PDE3A: variants seen among roughly 807,000 people sequenced by gnomAD.
The protein encoded by PDE3A is phosphodiesterase 3A.
In PDE3A, 43 loss-of-function variants were observed where a neutral mutation model predicts 98.3. The ratio of observed to expected loss-of-function variants is 0.44; its 90% CI spans 0.34 to 0.56. PDE3A has a LOEUF of 0.56. PDE3A is among the 20% of genes least tolerant of loss of function. The pLI is 0.01. For synonymous variants in PDE3A, 663 were observed against 567.9 expected (o/e 1.17, Z -2.38); for missense variants, 1,427 against 1,440.7 (o/e 0.99, Z 0.15).
chr12:20,547,775 G>A lies in PDE3A; in HGVS notation c.961-8885G>A, dbSNP rs149414875. ...TCTCCCGAGAAGCCCCTAAAAAGGC[G>A]TTCATTTTTACGTAAACAAACAACA... is the stretch of plus-strand genomic sequence containing the variant. On this transcript the variant is annotated intron_variant, in intron 1 of 15. Coordinates refer to ENST00000359062, the MANE Select transcript of PDE3A (RefSeq NM_000921.5). 4.2e-4 allele frequency among the ~76,000 whole-genome samples: 64 copies of A among 151,896 alleles called. No homozygotes were observed. In the East Asian group the frequency reaches 9.9e-3, roughly 23 times the overall value.
At chr12:20,641,319 T>C (rs1281957907) in intron 10 of PDE3A, among the ~76,000 whole-genome samples, 1 of 151,706 alleles carries the variant, frequency 6.6e-6, no homozygotes, top group Non-Finnish European at 1.5e-5. Flanking sequence ...TCCATGGAAG[T>C]TGGAAGAGAA....
intron 1 of PDE3A, among the ~76,000 whole-genome samples, chr12:20,383,727 G>A (rs1943699573): frequency 6.6e-6 from 1 of 151,904 alleles, no homozygotes; most frequent in African/African-American, 2.4e-5. Context: ...GACAGTCCAT[G>A]GATTTCCACT....
At chr12:20,543,565 T>A (rs982305434) in intron 1 of PDE3A, among the ~76,000 whole-genome samples, 1 of 152,188 alleles carries the variant, frequency 6.6e-6, no homozygotes, top group Non-Finnish European at 1.5e-5. Context: ...ATTGATTCAG[T>A]AGACTTCATG....
chr12:20,540,619 T>C (rs1442513181), intron 1 of PDE3A, among the ~76,000 whole-genome samples: 9 of 152,106 alleles, frequency 5.9e-5, no homozygotes, highest in Non-Finnish European at 2.9e-5. Flanking sequence ...CTTTCAGTTT[T>C]CAAATGCGAC....
At chr12:20,406,960 C>T (rs1482589564) in intron 1 of PDE3A, among the ~76,000 whole-genome samples, 2 of 151,996 alleles carry the variant, frequency 1.3e-5, no homozygotes, top group African/African-American at 2.4e-5. Context: ...ATATTCTTTC[C>T]CCATTGTTTA....
At chr12:20,649,200 G>T (rs1592146226) in intron 13 of PDE3A, among the ~76,000 whole-genome samples, 1 of 152,010 alleles carries the variant, frequency 6.6e-6, no homozygotes, top group South Asian at 2.1e-4. Flanking sequence ...CAAAGTGCTG[G>T]GATTACAGGT....
chr12:20,469,295 T>A (rs1190490880), intron 1 of PDE3A, among the ~76,000 whole-genome samples: 1 of 152,194 alleles, frequency 6.6e-6, no homozygotes, highest in Non-Finnish European at 1.5e-5. Context: ...GGGTGAAACA[T>A]CCAAGATCCA....
intron 1 of PDE3A, among the ~76,000 whole-genome samples, chr12:20,425,224 C>G (rs1413068347): frequency 6.6e-6 from 1 of 152,138 alleles, no homozygotes; most frequent in Non-Finnish European, 1.5e-5. Flanking sequence ...TCTTTAATTA[C>G]TAAACAAGGT....
chr12:20,513,148 A>G (rs1408645629), intron 1 of PDE3A, among the ~76,000 whole-genome samples: 1 of 152,102 alleles, frequency 6.6e-6, no homozygotes, highest in Non-Finnish European at 1.5e-5. Flanking sequence ...ATTTTGTCAC[A>G]TGCTATACTG....
intron 2 of PDE3A, among the ~76,000 whole-genome samples, chr12:20,561,226 C>G (rs577200272): frequency 3.3e-5 from 5 of 151,752 alleles, no homozygotes; most frequent in Non-Finnish European, 7.4e-5. Context: ...CCGCTGCACT[C>G]CAGCCTGGGA....
intron 1 of PDE3A, among the ~76,000 whole-genome samples, chr12:20,497,500 A>T (rs1235337485): frequency 6.6e-6 from 1 of 151,598 alleles, no homozygotes; most frequent in Admixed American, 6.6e-5. Flanking sequence ...TAAAGTTTTT[A>T]AAAAACATAG....
Position 20,552,663 on chromosome 12 carries a change from C to A in PDE3A, c.961-3997C>A. The A allele has an allele frequency of 1.2e-6, 2 of 1,613,962 alleles. No individual in the cohort carries two copies. The highest frequency in any genetic ancestry group is 1.7e-6 in the Non-Finnish European group (2 of 1,179,848). ...AGGTGGAGCCCTACAGTCTCACGGC[C>A]CAGCAGAGCAGCCTCATCAGAGAGG... On this transcript the variant is annotated intron_variant, in intron 1 of 15. Transcript: ENST00000359062. This position sits in a 1 kb window ranked among gnomAD's most constrained non-coding sequence, Gnocchi z 5.1.
At chr12:20,493,120 A>G (rs966850833) in intron 1 of PDE3A, among the ~76,000 whole-genome samples, 4 of 152,162 alleles carry the variant, frequency 2.6e-5, no homozygotes, top group Non-Finnish European at 5.9e-5. Flanking sequence ...TAGTCAGCAA[A>G]TATTGTTAAT....
chr12:20,446,494 A>G (rs1207374289), intron 1 of PDE3A, among the ~76,000 whole-genome samples: 4 of 152,160 alleles, frequency 2.6e-5, no homozygotes, highest in Non-Finnish European at 4.4e-5. Flanking sequence ...AAGGTCGGGA[A>G]CAAGGTTGGT....
rs1170984610 is a variant in PDE3A at position 20,665,098 on chromosome 12, C to A, written c.3184+10893C>A. Among the ~76,000 whole-genome samples the A allele has an allele frequency of 2.0e-5, 3 of 152,130 alleles. No individual in the cohort carries two copies. In the East Asian group the frequency reaches 5.8e-4, roughly 29 times the overall value. ...TACAATATTGTACCAACTGGGCCAT[C>A]TCCCTCCCTTTCTGCTGACTTTCAA... On this transcript the variant is annotated intron_variant, in intron 15 of 15. Transcript: ENST00000359062.
chr12:20,499,658 G>T (rs559366377), intron 1 of PDE3A, among the ~76,000 whole-genome samples: 39 of 152,074 alleles, frequency 2.6e-4, no homozygotes, highest in African/African-American at 9.2e-4. Flanking sequence ...CCCCGATTCT[G>T]CTACCTTTAC....
intron 2 of PDE3A, among the ~76,000 whole-genome samples, chr12:20,609,498 A>G (rs899909611): frequency 1.3e-5 from 2 of 152,072 alleles, no homozygotes; most frequent in Non-Finnish European, 2.9e-5. Context: ...TAGAAATTTA[A>G]TGCAATAACT....
chr12:20,676,923 T>C (rs1328295788), intron 15 of PDE3A, among the ~76,000 whole-genome samples: 2 of 152,186 alleles, frequency 1.3e-5, no homozygotes, highest in African/African-American at 4.8e-5. Flanking sequence ...ACTTGGGAAG[T>C]TTTCACCTAT....
chr12:20,677,545 C>T (rs186709331), intron 15 of PDE3A, among the ~76,000 whole-genome samples: 46 of 152,118 alleles, frequency 3.0e-4, no homozygotes, highest in Middle Eastern at 6.8e-3. Context: ...CTGCAACCTC[C>T]GCCTCCCGGG....
Sources: gnomAD v4.1 joint callset for allele counts (sites outside exome capture counted in the v4.1 genomes callset) on GRCh38, gnomAD v4.1.1 for gene constraint, Gnocchi (gnomAD v3.1) non-coding constraint, MANE v1.5 for transcripts, NCBI Gene and HGNC (gene_info 2026-07-23, HGNC 2026-07-21) for gene names.